KIAA0319L: variants seen among roughly 807,000 people sequenced by gnomAD.
The protein encoded by KIAA0319L is dyslexia-associated protein KIAA0319-like protein.
Under a neutral mutation model 120.1 loss-of-function variants are expected in KIAA0319L, and 55 were observed. The ratio of observed to expected loss-of-function variants is 0.46; its 90% CI spans 0.37 to 0.57. The LOEUF (loss-of-function observed/expected upper bound fraction) is 0.57, where lower values mean the gene tolerates loss of function less well. Among genes scored for constraint, KIAA0319L ranks in the 20% least tolerant of loss-of-function variants. The pLI is 0.00. For missense variants in KIAA0319L, 1,049 were observed against 1,255.3 expected (o/e 0.84, Z 2.48); for synonymous variants, 398 against 471.9 (o/e 0.84, Z 2.03).
chr1:35,464,251 A>T (rs1394098212), intron 7 of KIAA0319L, among the ~76,000 whole-genome samples: 1 of 152,208 alleles, frequency 6.6e-6, no homozygotes, highest in Non-Finnish European at 1.5e-5. Flanking sequence ...GGAACTTCCT[A>T]GAGACTTGTT....
intron 3 of KIAA0319L, among the ~76,000 whole-genome samples, chr1:35,500,798 G>T (rs1644976805): frequency 6.6e-6 from 1 of 152,200 alleles, no homozygotes; most frequent in South Asian, 2.1e-4. Context: ...CAAAAGAAAT[G>T]CCAAGGCAAT....
At chr1:35,553,742 A>T (rs1000509916) in intron 2 of KIAA0319L, among the ~76,000 whole-genome samples, 2 of 144,252 alleles carry the variant, frequency 1.4e-5, no homozygotes, top group Non-Finnish European at 3.1e-5. Flanking sequence ...AAAGAAAGAA[A>T]GGGCATTCTC....
chr1:35,468,106 T>C (rs556503243), intron 6 of KIAA0319L, among the ~76,000 whole-genome samples: 1 of 152,356 alleles, frequency 6.6e-6, no homozygotes, highest in Non-Finnish European at 1.5e-5. Context: ...TTTTTACTAT[T>C]ATGACTAATG....
intron 11 of KIAA0319L, 196 bp downstream of exon 11, chr1:35,454,166 G>A: frequency 1.8e-6 from 1 of 543,218 alleles, no homozygotes; most frequent in Non-Finnish European, 3.2e-6. Context: ...AAGGGCACAA[G>A]CTGAGGCTGG....
chr1:35,476,909 T>C lies in KIAA0319L; in HGVS notation c.914-2003A>G, dbSNP rs552532824. On this transcript the variant is annotated intron_variant, in intron 4 of 20. Transcript: ENST00000325722. ...TTCTTGATTAACCAATTCTTCCTAA[T>C]ACCTTAGAACAGCACCTGTGAAGCA... is the stretch of plus-strand genomic sequence containing the variant. 2.6e-5 allele frequency among the ~76,000 whole-genome samples: 4 copies of C among 152,310 alleles called. No individual in the cohort carries two copies. The South Asian group carries it at 8.3e-4, about 32-fold the overall frequency.
intron 3 of KIAA0319L, among the ~76,000 whole-genome samples, chr1:35,484,116 C>A (rs1243601003): frequency 2.0e-5 from 3 of 152,216 alleles, no homozygotes; most frequent in Non-Finnish European, 4.4e-5. Context: ...CAAATAAGGT[C>A]ACATGCTGAG....
chr1:35,547,797 C>T (rs1352423658), intron 2 of KIAA0319L, among the ~76,000 whole-genome samples: 1 of 152,032 alleles, frequency 6.6e-6, no homozygotes, highest in Non-Finnish European at 1.5e-5. Context: ...GAAAAAAGTT[C>T]TGGAATTAGA....
At position 35,542,313 on chromosome 1, in the gene KIAA0319L, A is replaced by G. The variant is rs75839566; in HGVS notation, c.142+12037T>C. Among the ~76,000 whole-genome samples the G allele has an allele frequency of 6.9e-3, 1,056 of 152,294 alleles. 8 individuals are homozygous for G. The highest frequency in any genetic ancestry group is 0.011 in the Non-Finnish European group (772 of 68,026). On this transcript the variant is annotated intron_variant, in intron 2 of 20. Transcript: ENST00000325722. ...AACCTGATGGAAAGTATGTTTCAGT[A>G]ACAGCACCCAGTACATTATAAAACC...
chr1:35,484,027 A>C (rs182468640), intron 3 of KIAA0319L, among the ~76,000 whole-genome samples: 255 of 152,262 alleles, frequency 1.7e-3, no homozygotes, highest in Non-Finnish European at 3.2e-3. Flanking sequence ...ACCAGTCATT[A>C]TATTAAGGGC....
intron 3 of KIAA0319L, among the ~76,000 whole-genome samples, chr1:35,503,108 T>G (rs538143500): frequency 6.6e-6 from 1 of 152,142 alleles, no homozygotes; most frequent in South Asian, 2.1e-4. Context: ...AACCTCTGAT[T>G]TTCCTGTCTA....
At chr1:35,532,386 A>G (rs1420409795) in intron 2 of KIAA0319L, among the ~76,000 whole-genome samples, 2 of 152,226 alleles carry the variant, frequency 1.3e-5, no homozygotes, top group Non-Finnish European at 2.9e-5. Context: ...AAAGAAAAAA[A>G]CAGTTCTTTT....
chr1:35,460,144 A>C (rs931482405), intron 9 of KIAA0319L, among the ~76,000 whole-genome samples, 161 bp downstream of exon 9: 4 of 152,212 alleles, frequency 2.6e-5, no homozygotes, highest in Admixed American at 1.3e-4. Flanking sequence ...TTGTAATCAC[A>C]ATCACCATAG....
At chr1:35,456,907 GGAAGGAAT>G (rs752864548) in intron 9 of KIAA0319L, among the ~76,000 whole-genome samples, 243 of 130,376 alleles carry the variant, frequency 1.9e-3, no homozygotes, top group Non-Finnish European at 2.8e-3. Flanking sequence ...AGGGAAAGAA[GGAAGGAAT>G]GAAGGAAGGA....
chr1:35,470,338 C>A (rs1643538660), intron 6 of KIAA0319L, among the ~76,000 whole-genome samples: 1 of 151,640 alleles, frequency 6.6e-6, no homozygotes, highest in Non-Finnish European at 1.5e-5. Context: ...ATAAAAAATA[C>A]AAAAATTAGC....
intron 2 of KIAA0319L, among the ~76,000 whole-genome samples, chr1:35,513,566 A>C (rs1258837378): frequency 6.6e-6 from 1 of 152,002 alleles, no homozygotes; most frequent in Non-Finnish European, 1.5e-5. Flanking sequence ...GCATTAAGCT[A>C]TGATAATGCC....
rs1641979329 is a variant in KIAA0319L at position 35,450,497 on chromosome 1, G to A, written c.2075C>T (p.Pro692Leu). The A allele has an allele frequency of 6.2e-7, 1 of 1,611,444 alleles. No homozygotes were observed. The highest frequency in any genetic ancestry group is 1.7e-5 in the Admixed American group (1 of 59,694). The change falls in exon 14 of 21, where the codon CCA (proline) becomes CTA (leucine). Residue 692 changes from proline (P) to leucine (L), a missense_variant. Transcript: ENST00000325722. The part of the protein sequence containing the change: ...NVIVKEEINK[P>L]PIAKITGNVV... ...ATTCCCAGTTATCTTGGCTATAGGT[G>A]GTTTGTTTATTTCTAATCAAAAAGA...
chr1:35,522,446 ATTTTTGTAT>A (rs1645962317), intron 2 of KIAA0319L, among the ~76,000 whole-genome samples: 1 of 151,558 alleles, frequency 6.6e-6, no homozygotes, highest in African/African-American at 2.4e-5. Flanking sequence ...CGCCCAGCTA[ATTTTTGTAT>A]TTTTAGTAGA....
rs774510433 is a variant in KIAA0319L, at chr1:35,554,476, C to T, written c.16G>A (p.Gly6Arg). Residue 6 changes from glycine (G) to arginine (R), a missense_variant, in exon 2 of 21, where the codon GGA becomes AGA. Transcript: ENST00000325722. The stretch of plus-strand genomic sequence containing the variant: ...CAGGAAGCAGGATTTGGCTTGACTC[C>T]CAGCCTCTTCTCCATGGCCCTCCAG... MEKRL[G>R]VKPNPASWIL... The T allele has an allele frequency of 3.7e-5, 59 of 1,610,480 alleles. No homozygotes were observed. The highest frequency in any genetic ancestry group is 2.7e-4 in the South Asian group (24 of 90,112).
chr1:35,454,221 G>A, intron 11 of KIAA0319L, 141 bp downstream of exon 11: 1 of 780,632 alleles, frequency 1.3e-6, no homozygotes, highest in Non-Finnish European at 2.1e-6. Flanking sequence ...CAAGGGGAAG[G>A]AACAATAGAA....
Sources: gnomAD v4.1 joint callset for allele counts (sites outside exome capture counted in the v4.1 genomes callset) on GRCh38, gnomAD v4.1.1 for gene constraint, MANE v1.5 for transcripts, NCBI Gene and HGNC (gene_info 2026-07-23, HGNC 2026-07-21) for gene names.